Variants in RHOBTB2 observed in about 807,000 individuals in gnomAD.
The protein encoded by RHOBTB2 is Rho related BTB domain containing 2.
A neutral mutation model predicts 66.5 loss-of-function variants in RHOBTB2; 39 were observed. That is an observed-to-expected ratio of 0.59 (90% confidence interval 0.45 to 0.77). The LOEUF (loss-of-function observed/expected upper bound fraction) is 0.77. Ranked by LOEUF, RHOBTB2 falls within the 30% of genes least tolerant of loss-of-function variation. The pLI is 0.00. For missense variants in RHOBTB2, 755 were observed against 999.1 expected (o/e 0.76, Z 3.29); for synonymous variants, 390 against 395.0 (o/e 0.99, Z 0.15).
At chr8:22,982,607 A>G (rs989143180), upstream of RHOBTB2, among the ~76,000 whole-genome samples, 4 of 152,208 alleles carry the variant, frequency 2.6e-5, no homozygotes, top group Non-Finnish European at 5.9e-5. Context: ...ACTTGAGCCC[A>G]TGAGGTTGAG....
the RHOBTB2 span, among the ~76,000 whole-genome samples, chr8:22,953,603 G>C: frequency 6.6e-6 from 1 of 152,108 alleles, no homozygotes; most frequent in Non-Finnish European, 1.5e-5. Flanking sequence ...TCCTCCTTTA[G>C]AAATGAGGAA....
intron 2 of RHOBTB2, among the ~76,000 whole-genome samples, chr8:22,993,202 C>G (rs956888692): frequency 2.0e-5 from 3 of 152,064 alleles, no homozygotes; most frequent in African/African-American, 7.2e-5. Flanking sequence ...CTCTGTCACC[C>G]AAGCTGCAGT....
At chr8:23,002,461 G>C (rs1385895526) in intron 1 of RHOBTB2, among the ~76,000 whole-genome samples, 1 of 152,216 alleles carries the variant, frequency 6.6e-6, no homozygotes, top group Admixed American at 6.5e-5. Flanking sequence ...GGAGGCCAAG[G>C]CGGGCAGATC....
At chr8:22,984,695 G>C (rs1241610119), upstream of RHOBTB2, 1 of 152,176 alleles carries the variant, frequency 6.6e-6, no homozygotes, top group Non-Finnish European at 1.5e-5. Context: ...AGACCAAGGT[G>C]GGCAGATCAC....
chr8:22,989,279 C>G (rs765077659), intron 1 of RHOBTB2, among the ~76,000 whole-genome samples: 2 of 152,150 alleles, frequency 1.3e-5, no homozygotes, highest in Non-Finnish European at 2.9e-5. Context: ...TCCCAAGTAG[C>G]TGGGATTACA....
At chr8:22,988,493 C>T (rs1387675921) in intron 1 of RHOBTB2, among the ~76,000 whole-genome samples, 1 of 152,118 alleles carries the variant, frequency 6.6e-6, no homozygotes, top group African/African-American at 2.4e-5. Flanking sequence ...CTCACTCCCA[C>T]GTCCTGGGTG....
the RHOBTB2 span, among the ~76,000 whole-genome samples, chr8:22,980,012 C>T: frequency 1.0e-3 from 155 of 152,160 alleles, no homozygotes; most frequent in African/African-American, 3.6e-3. Flanking sequence ...CCCTCCTTGG[C>T]CTCCCAAAGT....
intron 8 of RHOBTB2, 29 bp downstream of exon 8, chr8:23,014,807 C>T: frequency 3.2e-6 from 5 of 1,568,316 alleles, no homozygotes; most frequent in Non-Finnish European, 4.4e-6. Context: ...GAATCTACAA[C>T]AGTCTCAGTT....
In RHOBTB2 at chr8:23,015,626, T is replaced by G. The variant is rs2128808081; in HGVS notation, c.1861-12T>G. On this transcript the variant is annotated splice_polypyrimidine_tract_variant and intron_variant, in intron 8 of 9. Transcript: ENST00000251822. ...GGATTTCAGTACAGACGTTCTTCCC[T>G]TCTGTCCCCAGTTCCACTGTGCGTA... 6.3e-7 allele frequency: 1 copy of G among 1,589,944 alleles called. No individual in the cohort carries two copies. The highest frequency in any genetic ancestry group is 8.6e-7 in the Non-Finnish European group (1 of 1,158,338).
the RHOBTB2 span, among the ~76,000 whole-genome samples, chr8:22,963,182 C>T: frequency 4.6e-5 from 7 of 152,162 alleles, no homozygotes; most frequent in Admixed American, 6.5e-5. Flanking sequence ...ATGAGAAAGC[C>T]TCTTGGAATT....
intron 6 of RHOBTB2, among the ~76,000 whole-genome samples, chr8:23,008,934 T>A (rs925395824): frequency 4.0e-4 from 61 of 152,032 alleles, no homozygotes; most frequent in African/African-American, 1.4e-3. Context: ...AAGGCACACT[T>A]GCAGGCAACT....
At chr8:22,997,389 AG>A (rs931703606), upstream of RHOBTB2, among the ~76,000 whole-genome samples, 1 of 152,154 alleles carries the variant, frequency 6.6e-6, no homozygotes, top group African/African-American at 2.4e-5. Flanking sequence ...CTGGGAATTG[AG>A]GGAACCTCCC....
rs1428039838 is a variant in RHOBTB2 at position 23,006,931 on chromosome 8, T to C, written c.686T>C (p.Leu229Pro). 3 of 1,613,550 alleles carry C rather than the reference T, an allele frequency of 1.9e-6. No homozygotes were observed. Among genetic ancestry groups the C allele is most frequent in the Non-Finnish European group, 2.5e-6 (3 of 1,180,018 alleles). ...CTCCGCAATGTGCAGCGGCCTCTGCTGCAGGCACCCTTCCTACCCCCCAAG... is the reference window on the plus strand; with the variant it reads ...CTCCGCAATGTGCAGCGGCCTCTGCCGCAGGCACCCTTCCTACCCCCCAAG... ...SHLRNVQRPL[L>P]QAPFLPPKPP... The change falls in exon 5 of 10, where the codon CTG becomes CCG. Residue 229 changes from leucine (L) to proline (P), a missense_variant. Transcript: ENST00000251822. The surrounding 1 kb of genome is among the most constrained non-coding windows in gnomAD (Gnocchi z 6.1).
At chr8:22,992,721 T>C (rs148392134) in intron 2 of RHOBTB2, among the ~76,000 whole-genome samples, 57 of 152,350 alleles carry the variant, frequency 3.7e-4, no homozygotes, top group African/African-American at 1.3e-3. Flanking sequence ...GTGTTTCACG[T>C]CATTAAGGGT....
At chr8:22,991,933 C>G (rs1810435267) in intron 1 of RHOBTB2, 1 of 152,248 alleles carries the variant, frequency 6.6e-6, no homozygotes, top group Admixed American at 6.5e-5. Context: ...GATAAGAACA[C>G]TGAGTCTTCC....
At position 23,007,003 on chromosome 8, in the gene RHOBTB2, A is replaced by C. The variant is rs768545162; in HGVS notation, c.758A>C (p.Glu253Ala). Residue 253 changes from glutamate (E) to alanine (A), a missense_variant, in exon 5 of 10, where the codon GAG (glutamate) becomes GCG (alanine). Glu to Ala is a moderately radical substitution (Grantham distance 107). Transcript: ENST00000251822. ...GTGCCCGACCCTCCCTCCAGCAGCG[A>C]GGAGTGCCCCGCCCACCTCCTGGAG... ...IVVPDPPSSSEECPAHLLEDP... is the reference protein window; with the variant it reads ...IVVPDPPSSSAECPAHLLEDP... The C allele has an allele frequency of 6.2e-7, 1 of 1,609,518 alleles. No homozygotes were observed. The highest frequency in any genetic ancestry group is 2.2e-5 in the East Asian group (1 of 44,854).
chr8:22,990,757 C>T (rs1458593418), intron 1 of RHOBTB2, among the ~76,000 whole-genome samples: 2 of 152,170 alleles, frequency 1.3e-5, no homozygotes, highest in Non-Finnish European at 2.9e-5. Context: ...ATGGGCAGTA[C>T]AGCAGCAGCC....
At chr8:22,978,236 G>T in the RHOBTB2 span, 1 of 152,096 alleles carries the variant, frequency 6.6e-6, no homozygotes, top group Non-Finnish European at 1.5e-5. Flanking sequence ...ATTTTGAAAA[G>T]TTATGGCCCA....
At chr8:22,995,194 A>G (rs994268719), upstream of RHOBTB2, among the ~76,000 whole-genome samples, 1 of 152,076 alleles carries the variant, frequency 6.6e-6, no homozygotes, top group African/African-American at 2.4e-5. Context: ...CGGCCTCCCA[A>G]AGTGTTGAGA....
Sources: gnomAD v4.1 joint callset for allele counts (sites outside exome capture counted in the v4.1 genomes callset) on GRCh38, gnomAD v4.1.1 for gene constraint, Gnocchi (gnomAD v3.1) non-coding constraint, MANE v1.5 for transcripts, NCBI Gene and HGNC (gene_info 2026-07-23, HGNC 2026-07-21) for gene names.